Variants in MSRA observed in about 807,000 individuals in gnomAD.
MSRA encodes methionine sulfoxide reductase A, also known as mitochondrial peptide methionine sulfoxide reductase.
Under a neutral mutation model 31.3 loss-of-function variants are expected in MSRA, and 54 were observed. The ratio of observed to expected loss-of-function variants is 1.73; its 90% CI spans 1.39 to 2.17. MSRA has a LOEUF of 2.17. Among genes scored for constraint, MSRA ranks in the 30% most tolerant of loss-of-function variants. The probability of loss-of-function intolerance (pLI) is 0.00; values close to 1 mark genes in which losing one functional copy is unlikely to be tolerated. For missense variants in MSRA, 507 were observed against 300.9 expected, an observed-to-expected ratio of 1.69 and a Z score of -5.07; for synonymous variants, 169 against 116.5, an observed-to-expected ratio of 1.45 and a Z score of -2.90.
At chr8:10,080,670 C>T (rs1798246099) in intron 1 of MSRA, among the ~76,000 whole-genome samples, 1 of 149,582 alleles carries the variant, frequency 6.7e-6, no homozygotes, top group South Asian at 2.1e-4. Flanking sequence ...GGACTGCAGG[C>T]ATGCGTTACC....
At chr8:10,085,840 C>T (rs1798533097) in intron 1 of MSRA, among the ~76,000 whole-genome samples, 1 of 152,150 alleles carries the variant, frequency 6.6e-6, no homozygotes, top group Admixed American at 6.5e-5. Flanking sequence ...AGGAATCATC[C>T]AACATGTAGT....
chr8:10,194,262 C>A (rs930901305), intron 1 of MSRA, among the ~76,000 whole-genome samples: 3 of 152,134 alleles, frequency 2.0e-5, no homozygotes, highest in African/African-American at 7.2e-5. Flanking sequence ...AATCCTTCCC[C>A]CCCTTAAAAA....
At chr8:10,209,745 C>T (rs566177992) in intron 2 of MSRA, among the ~76,000 whole-genome samples, 74 of 152,176 alleles carry the variant, frequency 4.9e-4, no homozygotes, top group Non-Finnish European at 9.7e-4. Flanking sequence ...TTACCTCTTA[C>T]GCCTTCAGGA....
intron 3 of MSRA, among the ~76,000 whole-genome samples, chr8:10,260,319 C>T (rs186914347): frequency 4.8e-4 from 73 of 152,176 alleles, no homozygotes; most frequent in African/African-American, 1.5e-3. Flanking sequence ...GACAGGGGCA[C>T]GGCATCCTGG....
intron 2 of MSRA, 79 bp from the exon 3 acceptor site, chr8:10,245,025 A>G (rs1797541040): frequency 1.5e-6 from 2 of 1,337,640 alleles, no homozygotes; most frequent in Non-Finnish European, 2.0e-6. Context: ...TTCTTCATGT[A>G]ACAGGTGTAT....
chr8:10,139,092 T>C (rs1488927438), intron 1 of MSRA, among the ~76,000 whole-genome samples: 1 of 152,212 alleles, frequency 6.6e-6, no homozygotes, highest in Admixed American at 6.5e-5. Context: ...AAGGATCAAT[T>C]TGAATTTCTT....
chr8:10,202,610 T>A (rs1360467913), intron 1 of MSRA, among the ~76,000 whole-genome samples: 1 of 152,220 alleles, frequency 6.6e-6, no homozygotes, highest in African/African-American at 2.4e-5. Flanking sequence ...CAAGAAAGTA[T>A]GCTGTGTTTG....
intron 1 of MSRA, among the ~76,000 whole-genome samples, chr8:10,144,466 G>C (rs1476640255): frequency 6.6e-6 from 1 of 152,172 alleles, no homozygotes; most frequent in East Asian, 1.9e-4. Context: ...CTGGTGACTG[G>C]CACGCCATCA....
chr8:10,323,762 G>GTGTGTGTGTGTGTGTC (rs1802193404), intron 5 of MSRA, among the ~76,000 whole-genome samples: 1 of 151,518 alleles, frequency 6.6e-6, no homozygotes, highest in Non-Finnish European at 1.5e-5. Flanking sequence ...GTGTGTGTGT[G>GTGTGTGTGTGTGTGTC]TGTGTGTGTG....
At chr8:10,056,936 C>T (rs898533113) in intron 1 of MSRA, among the ~76,000 whole-genome samples, 3 of 152,124 alleles carry the variant, frequency 2.0e-5, no homozygotes, top group African/African-American at 7.2e-5. Flanking sequence ...TTTAGATAAG[C>T]CTAGTATCAG....
intron 1 of MSRA, among the ~76,000 whole-genome samples, chr8:10,158,627 A>T (rs1477628143): frequency 6.6e-6 from 1 of 152,218 alleles, no homozygotes; most frequent in African/African-American, 2.4e-5. Context: ...TTATGTATTC[A>T]TCAGTTGACA....
intron 5 of MSRA, among the ~76,000 whole-genome samples, chr8:10,359,697 A>G (rs1257128825): frequency 6.6e-6 from 1 of 152,000 alleles, no homozygotes; most frequent in Non-Finnish European, 1.5e-5. Flanking sequence ...GTCCCCCAAG[A>G]GGAGGATGGT....
chr8:10,288,176 C>T (rs1405064707), intron 3 of MSRA, among the ~76,000 whole-genome samples: 1 of 152,182 alleles, frequency 6.6e-6, no homozygotes, highest in Non-Finnish European at 1.5e-5. Context: ...GTTTTTCAGG[C>T]TTTAAAAAAA....
chr8:10,081,610 C>T (rs552056551), intron 1 of MSRA, among the ~76,000 whole-genome samples: 2 of 152,146 alleles, frequency 1.3e-5, no homozygotes. Flanking sequence ...CTGTCTTGGT[C>T]TCCCGAGTAG....
chr8:10,281,465 C>T (rs1799619244), intron 3 of MSRA, among the ~76,000 whole-genome samples: 1 of 152,216 alleles, frequency 6.6e-6, no homozygotes, highest in South Asian at 2.1e-4. Context: ...TGGGATGGCA[C>T]AGCCTTGACA....
intron 1 of MSRA, among the ~76,000 whole-genome samples, chr8:10,084,776 C>T (rs544979520): frequency 6.6e-6 from 1 of 152,062 alleles, no homozygotes. Flanking sequence ...ACATAGATTG[C>T]CCTATCCTTT....
intron 4 of MSRA, among the ~76,000 whole-genome samples, chr8:10,303,426 A>G (rs1308469185): frequency 6.6e-6 from 1 of 152,144 alleles, no homozygotes; most frequent in Non-Finnish European, 1.5e-5. Flanking sequence ...CTCTCTGTTC[A>G]TCATTTGGCC....
intron 1 of MSRA, among the ~76,000 whole-genome samples, chr8:10,074,114 G>A (rs543033724): frequency 2.3e-3 from 239 of 103,764 alleles, no homozygotes; most frequent in Admixed American, 7.1e-3. Context: ...ATGGAGTCTC[G>A]CTCTGTCCCC....
intron 1 of MSRA, among the ~76,000 whole-genome samples, chr8:10,111,014 T>G (rs1192934849): frequency 6.6e-6 from 1 of 152,188 alleles, no homozygotes; most frequent in Non-Finnish European, 1.5e-5. Context: ...CTGACAAGTG[T>G]GGAACCATTA....
Sources: allele counts gnomAD v4.1 joint callset (sites outside exome capture counted in the v4.1 genomes callset), GRCh38; gene constraint gnomAD v4.1.1; transcripts MANE v1.5; gene names NCBI Gene and HGNC (gene_info 2026-07-23, HGNC 2026-07-21).